Variants in MRPS28 observed in about 807,000 individuals in gnomAD.
The protein encoded by MRPS28 is mitochondrial ribosomal protein S28, also known as small ribosomal subunit protein bS1m.
In MRPS28, 7 loss-of-function variants were observed where a neutral mutation model predicts 10.8. That is an observed-to-expected ratio of 0.65 (90% confidence interval 0.37 to 1.22). The LOEUF is 1.22. MRPS28 is among the 50% of genes most tolerant of loss of function. The probability of loss-of-function intolerance (pLI) is 0.02; values close to 1 mark genes in which losing one functional copy is unlikely to be tolerated. For missense variants in MRPS28, 265 were observed against 232.9 expected, an observed-to-expected ratio of 1.14 and a Z score of -0.90; for synonymous variants, 121 against 93.3, an observed-to-expected ratio of 1.30 and a Z score of -1.71.
intron 2 of MRPS28, among the ~76,000 whole-genome samples, chr8:79,992,156 T>A (rs765667413): frequency 6.6e-6 from 1 of 152,170 alleles, no homozygotes; most frequent in Non-Finnish European, 1.5e-5. Flanking sequence ...CTGGCTAATA[T>A]CTTGACTGAA....
chr8:79,988,413 AAAGTAT>A (rs1248125026), intron 2 of MRPS28, among the ~76,000 whole-genome samples: 1 of 151,700 alleles, frequency 6.6e-6, no homozygotes, highest in African/African-American at 2.4e-5. Context: ...CCTAAAACTT[AAAGTAT>A]AATAATAATA....
intron 1 of MRPS28, among the ~76,000 whole-genome samples, chr8:80,016,139 C>A (rs1377491697): frequency 6.6e-6 from 1 of 152,068 alleles, no homozygotes; most frequent in Non-Finnish European, 1.5e-5. Flanking sequence ...ATGACTAAGA[C>A]TTTCCTTCAA....
At chr8:79,999,928 C>T (rs1455021414) in intron 2 of MRPS28, among the ~76,000 whole-genome samples, 1 of 152,010 alleles carries the variant, frequency 6.6e-6, no homozygotes, top group Non-Finnish European at 1.5e-5. Flanking sequence ...AAGTCAAAGG[C>T]CTTTTTTGAC....
At chr8:79,924,458 ATGTG>A (rs1161020713) in intron 2 of MRPS28, among the ~76,000 whole-genome samples, 1 of 152,182 alleles carries the variant, frequency 6.6e-6, no homozygotes, top group African/African-American at 2.4e-5. Flanking sequence ...GTAAGTAGGA[ATGTG>A]TGTGTATTTT....
chr8:80,028,953 T>C (rs1809571365), intron 1 of MRPS28, among the ~76,000 whole-genome samples: 1 of 151,664 alleles, frequency 6.6e-6, no homozygotes, highest in Non-Finnish European at 1.5e-5. Context: ...CGAGACCCTG[T>C]CTCAAAAAAC....
chr8:79,950,320 C>T (rs1477588060), intron 2 of MRPS28, among the ~76,000 whole-genome samples: 4 of 152,108 alleles, frequency 2.6e-5, no homozygotes, highest in African/African-American at 9.7e-5. Context: ...CCTTTCTCAA[C>T]TCGGGTTCAG....
In MRPS28 at chr8:79,998,599, C is replaced by A. The variant is rs183531270; in HGVS notation, c.395+4400G>T. ...TTACAGTAGAAATACTCACCACACA[C>A]ATTAAACAAAATTGTCCCAGAGCTA... On this transcript the variant is annotated intron_variant, in intron 2 of 2. Transcript: ENST00000276585. Among the ~76,000 whole-genome samples, 74 of 152,304 alleles carry A rather than the reference C, an allele frequency of 4.9e-4. 1 individual carries two copies. Among genetic ancestry groups the A allele is most frequent in the East Asian group, 2.7e-3 (14 of 5,186 alleles).
chr8:79,945,375 C>T (rs575802103), intron 2 of MRPS28, among the ~76,000 whole-genome samples: 1 of 152,044 alleles, frequency 6.6e-6, no homozygotes, highest in African/African-American at 2.4e-5. Context: ...CACATAGGCA[C>T]CAGATGATAG....
In MRPS28 at chr8:79,966,672, T is replaced by C. The variant is rs770422575; in HGVS notation, c.395+36327A>G. 4.9e-4 allele frequency among the ~76,000 whole-genome samples: 75 copies of C among 152,266 alleles called. 1 individual carries two copies. The highest frequency in any genetic ancestry group is 2.1e-3 in the Admixed American group (32 of 15,282). On this transcript the variant is annotated intron_variant, in intron 2 of 2. Transcript: ENST00000276585. ...TCACATGAACGATATAACAGCATGA[T>C]ATAATCTTAAAAAGCACTTTAATTC...
At chr8:79,976,479 C>T (rs769622352) in intron 2 of MRPS28, among the ~76,000 whole-genome samples, 7 of 152,118 alleles carry the variant, frequency 4.6e-5, no homozygotes, top group Admixed American at 6.5e-5. Context: ...CCAAGGTAGA[C>T]GGATCTCTTA....
At chr8:80,014,902 G>C (rs377315667) in intron 1 of MRPS28, among the ~76,000 whole-genome samples, 4 of 152,288 alleles carry the variant, frequency 2.6e-5, no homozygotes, top group East Asian at 1.9e-4. Flanking sequence ...CTTCTTAGAT[G>C]CATCTGAGAG....
At chr8:79,951,460 TC>T (rs1157122428) in intron 2 of MRPS28, among the ~76,000 whole-genome samples, 3 of 152,166 alleles carry the variant, frequency 2.0e-5, no homozygotes, top group Non-Finnish European at 4.4e-5. Context: ...CCTTGGGTTG[TC>T]CTCCACTGTG....
intron 2 of MRPS28, among the ~76,000 whole-genome samples, chr8:79,999,909 T>A (rs943473429): frequency 2.6e-5 from 4 of 152,146 alleles, no homozygotes; most frequent in South Asian, 4.1e-4. Context: ...CTTACAGAAC[T>A]AGAACTAGAA....
intron 2 of MRPS28, among the ~76,000 whole-genome samples, chr8:79,923,467 G>C (rs1810146727): frequency 6.6e-6 from 1 of 151,946 alleles, no homozygotes; most frequent in South Asian, 2.1e-4. Flanking sequence ...TTATCCATTA[G>C]AAAAATGGCT....
At chr8:79,951,352 G>A (rs1210109639) in intron 2 of MRPS28, among the ~76,000 whole-genome samples, 1 of 152,184 alleles carries the variant, frequency 6.6e-6, no homozygotes, top group Admixed American at 6.5e-5. Flanking sequence ...TCCCCAAACT[G>A]ATGGTGCCAA....
intron 1 of MRPS28, among the ~76,000 whole-genome samples, chr8:80,022,937 AC>A (rs1330996227): frequency 6.6e-6 from 1 of 152,208 alleles, no homozygotes; most frequent in Non-Finnish European, 1.5e-5. Context: ...TCATATGACC[AC>A]CCAAAAACAA....
intron 1 of MRPS28, among the ~76,000 whole-genome samples, chr8:80,028,046 G>C (rs1407207591): frequency 2.6e-5 from 4 of 152,110 alleles, no homozygotes; most frequent in African/African-American, 7.2e-5. Flanking sequence ...AAAGAGAAAA[G>C]GAAAGGAAAG....
chr8:79,949,239 C>A (rs1807013169), intron 2 of MRPS28, among the ~76,000 whole-genome samples: 2 of 151,852 alleles, frequency 1.3e-5, no homozygotes, highest in African/African-American at 4.8e-5. Context: ...ATGGTGAAAC[C>A]CCCTCTGTAA....
intron 2 of MRPS28, among the ~76,000 whole-genome samples, chr8:80,001,438 G>A (rs1468885727): frequency 6.6e-6 from 1 of 152,052 alleles, no homozygotes; most frequent in African/African-American, 2.4e-5. Flanking sequence ...GAATTCTTGA[G>A]GGATGTCATC....
Sources: gnomAD v4.1 joint callset for allele counts (sites outside exome capture counted in the v4.1 genomes callset) on GRCh38, gnomAD v4.1.1 for gene constraint, MANE v1.5 for transcripts, NCBI Gene and HGNC (gene_info 2026-07-23, HGNC 2026-07-21) for gene names.